The following GLCE variants were observed in gnomAD, a reference collection of about 807,000 sequenced individuals.
GLCE encodes the protein D-glucuronyl C5-epimerase.
In GLCE, 19 loss-of-function variants were observed where a neutral mutation model predicts 47.9. The observed-to-expected ratio is 0.40, with a 90% CI of 0.28 to 0.58. The LOEUF (loss-of-function observed/expected upper bound fraction) is 0.58. Among genes scored for constraint, GLCE ranks in the 20% least tolerant of loss-of-function variants. The pLI, the probability that GLCE is intolerant of heterozygous loss-of-function variation, is 0.48. For missense variants in GLCE, 556 were observed against 743.3 expected (o/e 0.75, Z 2.93); for synonymous variants, 245 against 263.4 (o/e 0.93, Z 0.68).
chr15:69,175,674 A>G (rs2051652212), intron 1 of GLCE, among the ~76,000 whole-genome samples: 1 of 152,178 alleles, frequency 6.6e-6, no homozygotes, highest in African/African-American at 2.4e-5. Context: ...CATGTTTTAA[A>G]ATCAAGGTAG....
intron 2 of GLCE, among the ~76,000 whole-genome samples, chr15:69,239,273 T>C (rs1464047782): frequency 2.0e-5 from 3 of 152,196 alleles, no homozygotes; most frequent in African/African-American, 7.2e-5. Context: ...CCTTCTGCCT[T>C]TCTTTTTCTT....
chr15:69,255,851 TATC>T lies in GLCE; in HGVS notation c.46_48del (p.Ile16del), dbSNP rs1213258522. 1 of 1,613,934 alleles carries T rather than the reference TATC, an allele frequency of 6.2e-7. No homozygotes were observed. The highest frequency in any genetic ancestry group is 1.1e-5 in the South Asian group (1 of 91,076). On this transcript the variant is annotated inframe_deletion, in exon 3 of 5. Transcript: ENST00000261858. Reference sequence around the variant, plus strand: ...GGGTCAACTATAAGACTTTGATTATTATCTGCGCACTCTTCACTTTGGTCACAG... The same window carrying T: ...GGGTCAACTATAAGACTTTGATTATTTGCGCACTCTTCACTTTGGTCACAG...
intron 2 of GLCE, among the ~76,000 whole-genome samples, chr15:69,221,254 G>T (rs1409752179): frequency 6.6e-6 from 1 of 152,004 alleles, no homozygotes; most frequent in African/African-American, 2.4e-5. Flanking sequence ...GTGGATTTTT[G>T]GTTAGGTTTT....
At chr15:69,193,666 G>T (rs775153471) in intron 1 of GLCE, among the ~76,000 whole-genome samples, 2 of 151,852 alleles carry the variant, frequency 1.3e-5, no homozygotes, top group African/African-American at 4.8e-5. Context: ...CAAGGGGGGC[G>T]CCTAAGGTAC....
At chr15:69,255,117 C>T (rs1187819747) in intron 2 of GLCE, among the ~76,000 whole-genome samples, 1 of 152,140 alleles carries the variant, frequency 6.6e-6, no homozygotes, top group Non-Finnish European at 1.5e-5. Flanking sequence ...ACTAAAAATT[C>T]ATTGTTGGAT....
chr15:69,176,986 G>C (rs558387779), intron 1 of GLCE, among the ~76,000 whole-genome samples: 1 of 151,472 alleles, frequency 6.6e-6, no homozygotes, highest in East Asian at 1.9e-4. Context: ...AAAAGAAGTG[G>C]ATAATGTTTC....
chr15:69,179,019 C>T (rs755806222), intron 1 of GLCE, among the ~76,000 whole-genome samples: 10 of 152,028 alleles, frequency 6.6e-5, no homozygotes, highest in Non-Finnish European at 1.5e-4. Context: ...TATGGTATGC[C>T]GCTTATATTG....
chr15:69,261,583 A>G (rs2053016017), intron 4 of GLCE, among the ~76,000 whole-genome samples: 1 of 152,212 alleles, frequency 6.6e-6, no homozygotes, highest in Non-Finnish European at 1.5e-5. Context: ...GTTACTGCAC[A>G]ATGTGTACCT....
chr15:69,240,557 C>T (rs540511872), intron 2 of GLCE, among the ~76,000 whole-genome samples: 30 of 151,846 alleles, frequency 2.0e-4, no homozygotes, highest in African/African-American at 5.1e-4. Flanking sequence ...GGCTAGCTAA[C>T]GGGGAGGCAT....
intron 1 of GLCE, among the ~76,000 whole-genome samples, chr15:69,203,011 ATT>A (rs2052097527): frequency 6.6e-6 from 1 of 152,124 alleles, no homozygotes; most frequent in Admixed American, 6.5e-5. Flanking sequence ...CTATTGTGAT[ATT>A]TAAGTTTGGA....
At chr15:69,256,735 T>C (rs1235086121) in intron 3 of GLCE, among the ~76,000 whole-genome samples, 1 of 152,164 alleles carries the variant, frequency 6.6e-6, no homozygotes, top group Non-Finnish European at 1.5e-5. Flanking sequence ...AGAGAGACCA[T>C]CCAGTGGACC....
At position 69,269,439 on chromosome 15, in the gene GLCE, G is replaced by A. The variant is rs938980279; in HGVS notation, c.*195G>A. On this transcript the variant is annotated 3_prime_UTR_variant, in exon 5 of 5. Transcript: ENST00000261858. The stretch of plus-strand genomic sequence containing the variant: ...GGTTGGGTATTTAGAAATGTAGGTG[G>A]CATTTAGAACACAATGTTTAATCAA... 1 of 584,742 alleles carries A rather than the reference G, an allele frequency of 1.7e-6. No homozygotes were observed. The highest frequency in any genetic ancestry group is 3.0e-6 in the Non-Finnish European group (1 of 330,168). The allele number at this position is 584,742 out of a possible 1,614,324, so 36.2% of individuals were successfully genotyped here.
chr15:69,178,963 A>AAG (rs2051712486), intron 1 of GLCE, among the ~76,000 whole-genome samples: 1 of 152,160 alleles, frequency 6.6e-6, no homozygotes, highest in East Asian at 1.9e-4. Flanking sequence ...GCTAATCTCT[A>AAG]AGACACATTA....
intron 2 of GLCE, among the ~76,000 whole-genome samples, chr15:69,224,479 T>G (rs1422369569): frequency 6.6e-6 from 1 of 152,178 alleles, no homozygotes. Flanking sequence ...CTCTGGCCCT[T>G]TAAGTTCCCT....
rs57452657 is a variant in GLCE at position 69,260,252 on chromosome 15, G to GCTTTT, written c.587-835_587-834insCTTTT. Among the ~76,000 whole-genome samples, 238 of 79,248 alleles carry GCTTTT rather than the reference G, an allele frequency of 3.0e-3. 10 individuals carry two copies. The highest frequency in any genetic ancestry group is 9.8e-3 in the African/African-American group (229 of 23,322). 52.0% of individuals were successfully genotyped at this position (79,248 alleles called of 152,430 possible). A position where few individuals can be genotyped will look rare whatever the true frequency, so the allele number is the denominator to read the frequency against. On this transcript the variant is annotated intron_variant, in intron 3 of 4. Coordinates refer to ENST00000261858, the MANE Select transcript of GLCE (RefSeq NM_015554.3). Reference sequence around the variant, plus strand: ...ATTTTAAATTGCCAAGTCACAACTGGTTTTTTTTTTTTTTTTTTTTTTTTT... The same window carrying GCTTTT: ...ATTTTAAATTGCCAAGTCACAACTGGCTTTTTTTTTTTTTTTTTTTTTTTTTTTTT...
intron 2 of GLCE, among the ~76,000 whole-genome samples, chr15:69,235,488 T>C (rs1278875371): frequency 6.6e-6 from 1 of 152,166 alleles, no homozygotes; most frequent in Non-Finnish European, 1.5e-5. Context: ...TATGAGTGCC[T>C]ACTGTGTGGT....
intron 1 of GLCE, among the ~76,000 whole-genome samples, chr15:69,180,526 G>A (rs2051735490): frequency 6.6e-6 from 1 of 152,154 alleles, no homozygotes; most frequent in South Asian, 2.1e-4. Context: ...CACTGATAAG[G>A]TGACTTTTAA....
At chr15:69,162,454 A>G (rs181519204) in intron 1 of GLCE, among the ~76,000 whole-genome samples, 146 of 152,254 alleles carry the variant, frequency 9.6e-4, no homozygotes, top group African/African-American at 3.4e-3. Context: ...GCTGTTCTGT[A>G]AATATGTAAT....
At chr15:69,168,217 G>T (rs2051534255) in intron 1 of GLCE, among the ~76,000 whole-genome samples, 1 of 152,120 alleles carries the variant, frequency 6.6e-6, no homozygotes, top group East Asian at 1.9e-4. Flanking sequence ...AGGATTGCTT[G>T]AGCCTAGGAG....
Sources: gnomAD v4.1 joint callset for allele counts (sites outside exome capture counted in the v4.1 genomes callset) on GRCh38, gnomAD v4.1.1 for gene constraint, MANE v1.5 for transcripts, NCBI Gene and HGNC (gene_info 2026-07-23, HGNC 2026-07-21) for gene names.